SUV39H2: variants seen among roughly 807,000 people sequenced by gnomAD.
The protein encoded by SUV39H2 is SUV39H2 histone lysine methyltransferase, also known as histone-lysine N-methyltransferase SUV39H2.
A neutral mutation model predicts 47.5 loss-of-function variants in SUV39H2; 10 were observed. The observed-to-expected ratio is 0.21, with a 90% CI of 0.13 to 0.36. The LOEUF is 0.36. Among genes scored for constraint, SUV39H2 ranks in the 10% least tolerant of loss-of-function variants. The pLI, the probability that SUV39H2 is intolerant of heterozygous loss-of-function variation, is 1.00. For missense variants in SUV39H2, 266 were observed against 487.4 expected (o/e 0.55, Z 4.28); for synonymous variants, 159 against 166.8 (o/e 0.95, Z 0.36).
rs761860542 is a variant in SUV39H2 at position 14,902,527 on chromosome 10, T to C, written c.*15T>C. 1.4e-6 allele frequency: 2 copies of C among 1,471,756 alleles called. No homozygotes were observed. Among genetic ancestry groups the C allele is most frequent in the South Asian group, 2.6e-5 (2 of 78,332 alleles). 91.2% of individuals were successfully genotyped at this position (1,471,756 alleles called of 1,614,324 possible). A position where few individuals can be genotyped will look rare whatever the true frequency, so the allele number is the denominator to read the frequency against. ...ACCTCAACTGAACTTTTTCAGGAAA[T>C]AGAGCTGATGATTATAATATTTTTT... On this transcript the variant is annotated 3_prime_UTR_variant, in exon 6 of 6. Transcript: ENST00000354919.
At chr10:14,879,474 G>A (rs998711553) in intron 1 of SUV39H2, among the ~76,000 whole-genome samples, 1 of 152,264 alleles carries the variant, frequency 6.6e-6, no homozygotes. Context: ...AGGAGGTTGA[G>A]TGCCTCGTTG....
intron 2 of SUV39H2, among the ~76,000 whole-genome samples, chr10:14,892,681 C>G (rs1432049755): frequency 6.6e-6 from 1 of 152,142 alleles, no homozygotes; most frequent in East Asian, 1.9e-4. Flanking sequence ...TGCCTCTTCC[C>G]TAAGAGATTT....
intron 2 of SUV39H2, among the ~76,000 whole-genome samples, chr10:14,890,737 G>A (rs1027863209): frequency 1.2e-4 from 19 of 152,124 alleles, no homozygotes; most frequent in African/African-American, 4.3e-4. Flanking sequence ...ATTACCTAGT[G>A]GAAAGACAAA....
chr10:14,879,781 T>C (rs1832988325), intron 1 of SUV39H2: 1 of 152,226 alleles, frequency 6.6e-6, no homozygotes, highest in South Asian at 2.1e-4. Context: ...TGTCAGGGGT[T>C]ACTGTGAACC....
chr10:14,883,704 CAAAAAAAAA>C (rs58522342), intron 2 of SUV39H2, among the ~76,000 whole-genome samples: 16 of 50,060 alleles, frequency 3.2e-4, no homozygotes, highest in African/African-American at 4.2e-4. Flanking sequence ...GACTCAGTCT[CAAAAAAAAA>C]AAAAAAAAAA....
rs1315181513 is a variant in SUV39H2 at position 14,894,613 on chromosome 10, C to T, written c.178-2233C>T. ...CGATCTCCTGACCTCGTGATCCGCC[C>T]GCCTCGGCCTCCCAAAGTGCTGGGA... On this transcript the variant is annotated intron_variant, in intron 2 of 5. Coordinates refer to ENST00000354919, the MANE Select transcript of SUV39H2 (RefSeq NM_001193424.2). 6.1e-5 allele frequency among the ~76,000 whole-genome samples: 9 copies of T among 147,054 alleles called. 2 individuals carry two copies. The highest frequency in any genetic ancestry group is 1.0e-4 in the Non-Finnish European group (7 of 67,412).
intron 5 of SUV39H2, among the ~76,000 whole-genome samples, chr10:14,901,537 C>G (rs1005799365): frequency 6.6e-6 from 1 of 151,400 alleles, no homozygotes; most frequent in Admixed American, 6.6e-5. Flanking sequence ...TAATACTGTA[C>G]TACTTGTCTT....
At chr10:14,899,251 T>TA in intron 3 of SUV39H2, 1 of 702,116 alleles carries the variant, frequency 1.4e-6, no homozygotes, top group Non-Finnish European at 2.6e-6. Context: ...TCCCAGGAGT[T>TA]AAAGGATACA....
chr10:14,901,472 A>G (rs1019666720), intron 5 of SUV39H2, among the ~76,000 whole-genome samples: 4 of 152,250 alleles, frequency 2.6e-5, no homozygotes, highest in East Asian at 1.9e-4. Context: ...ATGGTTCTAC[A>G]TCGTAAATTT....
chr10:14,896,370 C>T (rs182903444), intron 2 of SUV39H2, among the ~76,000 whole-genome samples: 79 of 152,248 alleles, frequency 5.2e-4, no homozygotes, highest in African/African-American at 1.7e-3. Flanking sequence ...AGAATGTGTG[C>T]CCATGATGTT....
intron 1 of SUV39H2, among the ~76,000 whole-genome samples, chr10:14,881,072 A>G (rs1053105656): frequency 6.6e-6 from 1 of 152,232 alleles, no homozygotes; most frequent in Non-Finnish European, 1.5e-5. Flanking sequence ...AGATTGTTTT[A>G]AAGTATATTT....
chr10:14,882,834 C>T (rs2131670667), intron 2 of SUV39H2, among the ~76,000 whole-genome samples: 1 of 150,022 alleles, frequency 6.7e-6, no homozygotes, highest in East Asian at 1.9e-4. Context: ...CACCATTTTT[C>T]TTTTTTCTTC....
chr10:14,890,687 G>T (rs1253886786), intron 2 of SUV39H2, among the ~76,000 whole-genome samples: 1 of 152,182 alleles, frequency 6.6e-6, no homozygotes, highest in East Asian at 1.9e-4. Flanking sequence ...TTTTAACACT[G>T]ATATTGAATA....
intron 5 of SUV39H2, 143 bp downstream of exon 5, chr10:14,901,405 A>C: frequency 9.2e-7 from 1 of 1,082,984 alleles, no homozygotes; most frequent in Non-Finnish European, 1.3e-6. Flanking sequence ...CCTAAGGTAC[A>C]AAGCTAATCC....
At chr10:14,882,927 G>A (rs573278260) in intron 2 of SUV39H2, among the ~76,000 whole-genome samples, 6 of 149,842 alleles carry the variant, frequency 4.0e-5, no homozygotes, top group South Asian at 2.1e-4. Context: ...GAGTGCAGTC[G>A]TGCGATCTCA....
intron 3 of SUV39H2, chr10:14,898,155 T>C (rs997772734): frequency 4.7e-5 from 7 of 150,130 alleles, no homozygotes; most frequent in African/African-American, 1.2e-4. Flanking sequence ...GCACTTGATG[T>C]ATTAATTCAC....
At chr10:14,891,079 AC>A (rs1419865521) in intron 2 of SUV39H2, among the ~76,000 whole-genome samples, 2 of 152,224 alleles carry the variant, frequency 1.3e-5, no homozygotes, top group African/African-American at 4.8e-5. Flanking sequence ...GGAAATTGGA[AC>A]AAAAAGGAGT....
intron 3 of SUV39H2, 184 bp from the exon 4 acceptor site, chr10:14,899,355 T>C (rs1003623856): frequency 1.7e-5 from 12 of 703,128 alleles, no homozygotes; most frequent in Non-Finnish European, 2.7e-5. Context: ...CATTATCATT[T>C]TTCTTCCCCT....
intron 2 of SUV39H2, among the ~76,000 whole-genome samples, chr10:14,895,948 TTTTG>T (rs1471601557): frequency 3.3e-5 from 5 of 151,256 alleles, no homozygotes; most frequent in Non-Finnish European, 5.9e-5. Context: ...TGTTTGTTTG[TTTTG>T]TTTGTTTGAG....
Sources: gnomAD v4.1 joint callset for allele counts (sites outside exome capture counted in the v4.1 genomes callset) on GRCh38, gnomAD v4.1.1 for gene constraint, MANE v1.5 for transcripts, NCBI Gene and HGNC (gene_info 2026-07-23, HGNC 2026-07-21) for gene names.